The following KIFC3 variants were observed in gnomAD, a reference collection of about 807,000 sequenced individuals.
The protein encoded by KIFC3 is kinesin family member C3.
A neutral mutation model predicts 101.8 loss-of-function variants in KIFC3; 60 were observed. The observed-to-expected ratio is 0.59, with a 90% confidence interval of 0.48 to 0.73. KIFC3 has a LOEUF of 0.73. KIFC3 is among the 30% of genes least tolerant of loss of function. The probability of loss-of-function intolerance (pLI) is 0.00; values close to 1 mark genes in which losing one functional copy is unlikely to be tolerated. For synonymous variants in KIFC3, 476 were observed against 482.7 expected (o/e 0.99, Z 0.18); for missense variants, 966 against 1,137.1 (o/e 0.85, Z 2.16).
At chr16:57,793,286 A>C (rs79129007) in intron 3 of KIFC3, among the ~76,000 whole-genome samples, 1 of 141,342 alleles carries the variant, frequency 7.1e-6, no homozygotes, top group Non-Finnish European at 1.5e-5. Context: ...ACTCTGTCTC[A>C]AAAAAAAAAA....
rs533176950 is a variant in KIFC3, at chr16:57,776,261, G to A, written c.316-3973C>T. 383 of 985,514 alleles carry A rather than the reference G, an allele frequency of 3.9e-4. 2 individuals are homozygous for A. In the South Asian group the frequency reaches 0.014, roughly 37 times the overall value. 61.0% of individuals were successfully genotyped at this position (985,514 alleles called of 1,614,324 possible). On this transcript the variant is annotated intron_variant, in intron 3 of 19. Transcript: ENST00000445690. ...CAACCTCAAGGAAACTCAGCCCAGA[G>A]GCCAGCGGGGCGGCCCTGGGAGCAC... is the stretch of plus-strand genomic sequence containing the variant.
chr16:57,809,318 TG>T (rs2055012321), intron 1 of KIFC3, among the ~76,000 whole-genome samples: 1 of 152,144 alleles, frequency 6.6e-6, no homozygotes, highest in Non-Finnish European at 1.5e-5. Flanking sequence ...TATTTAGAGT[TG>T]GGGTCTCGCT....
At chr16:57,759,016 G>A (rs552034783) in intron 19 of KIFC3, 107 bp from the exon 20 acceptor site, 18 of 1,527,098 alleles carry the variant, frequency 1.2e-5, no homozygotes, top group African/African-American at 4.2e-5. Flanking sequence ...ATAGACAAGC[G>A]ACAGCAGGGG....
upstream of KIFC3, among the ~76,000 whole-genome samples, chr16:57,804,017 A>G (rs115958911): frequency 6.0e-3 from 917 of 152,294 alleles, 10 homozygotes; most frequent in African/African-American, 0.021. Context: ...GAATGTCTTT[A>G]AAGTCCTGGT....
chr16:57,775,008 A>G, intron 3 of KIFC3: 1 of 1,533,828 alleles, frequency 6.5e-7, no homozygotes, highest in Non-Finnish European at 8.7e-7. Flanking sequence ...CGCCCCTGCC[A>G]GGCACTCAGA....
intron 1 of KIFC3, among the ~76,000 whole-genome samples, chr16:57,854,298 A>G (rs2056119331): frequency 6.6e-6 from 1 of 152,072 alleles, no homozygotes; most frequent in South Asian, 2.1e-4. Context: ...CTAAAAGAAA[A>G]CCCACTTTAT....
At position 57,780,459 on chromosome 16, in the gene KIFC3, C is replaced by T. The variant is rs182579488; in HGVS notation, c.316-8171G>A. Among the ~76,000 whole-genome samples, 324 of 150,784 alleles carry T rather than the reference C, an allele frequency of 2.1e-3. 2 individuals carry two copies. The highest frequency in any genetic ancestry group is 7.5e-3 in the African/African-American group (309 of 41,048). On this transcript the variant is annotated intron_variant, in intron 3 of 19. Transcript: ENST00000445690. ...TCAGGAGGCAGAGGTTGCAGTGAGC[C>T]GAGATCATGCCACTTCACTCCAGCC...
At chr16:57,794,751 A>G (rs2070427529) in intron 3 of KIFC3, among the ~76,000 whole-genome samples, 1 of 152,152 alleles carries the variant, frequency 6.6e-6, no homozygotes, top group African/African-American at 2.4e-5. Flanking sequence ...CTAAGGCCCC[A>G]TGCTTCCCAT....
chr16:57,764,079 AT>A, intron 12 of KIFC3, 63 bp downstream of exon 12: 1 of 1,178,174 alleles, frequency 8.5e-7, no homozygotes, highest in South Asian at 1.2e-5. Context: ...CCCAAGACCA[AT>A]GAGGGAGCCC....
chr16:57,771,868 A>G (rs1329454132), intron 4 of KIFC3, among the ~76,000 whole-genome samples, 182 bp from the exon 5 acceptor site: 5 of 152,210 alleles, frequency 3.3e-5, no homozygotes, highest in Non-Finnish European at 7.3e-5. Flanking sequence ...AGCTCAAGAG[A>G]GAAACCAAGA....
rs140800489 is a variant in KIFC3, at chr16:57,770,469, C to T, written c.939+58G>A. 11 of 1,348,776 alleles carry T rather than the reference C, an allele frequency of 8.2e-6. No homozygotes were observed. In the Admixed American group the frequency reaches 3.5e-4, roughly 43 times the overall value. 83.6% of individuals were successfully genotyped at this position (1,348,776 alleles called of 1,614,324 possible). ...CCCAAATGTTTAACCGATGCATTGGCCCAAGGGCCTGCCTCTGGCTTCCTG... is the reference window on the plus strand; with the variant it reads ...CCCAAATGTTTAACCGATGCATTGGTCCAAGGGCCTGCCTCTGGCTTCCTG... On this transcript the variant is annotated intron_variant, in intron 7 of 19. Coordinates refer to ENST00000445690, the MANE Select transcript of KIFC3 (RefSeq NM_001130100.2).
At chr16:57,785,524 C>T in intron 3 of KIFC3, 1 of 1,288,766 alleles carries the variant, frequency 7.8e-7, no homozygotes, top group South Asian at 1.2e-5. Context: ...CCAGCCTCTC[C>T]TGTAGGACCA....
chr16:57,765,747 CTTT>C (rs2050413331), intron 10 of KIFC3, 107 bp from the exon 11 acceptor site: 1 of 1,042,776 alleles, frequency 9.6e-7, no homozygotes, highest in Non-Finnish European at 1.4e-6. Flanking sequence ...AGTCCCCTGA[CTTT>C]TAAGCACAGC....
At chr16:57,773,785 A>T (rs2051622627) in intron 3 of KIFC3, 1 of 152,190 alleles carries the variant, frequency 6.6e-6, no homozygotes, top group Admixed American at 6.5e-5. Flanking sequence ...CATGGTTGAG[A>T]TGTCATCAAA....
intron 3 of KIFC3, among the ~76,000 whole-genome samples, chr16:57,780,823 C>T (rs1416991975): frequency 6.6e-6 from 1 of 151,572 alleles, no homozygotes; most frequent in African/African-American, 2.4e-5. Flanking sequence ...TACAGGTGTG[C>T]ACCACCATGC....
chr16:57,815,366 G>A lies in KIFC3; in HGVS notation c.109-17084C>T, dbSNP rs564248249. 13 of 1,053,770 alleles carry A rather than the reference G, an allele frequency of 1.2e-5. No individual in the cohort carries two copies. The South Asian group carries it at 2.2e-4, about 18-fold the overall frequency. The allele number at this position is 1,053,770 out of a possible 1,614,324, so 65.3% of individuals were successfully genotyped here. A position where few individuals can be genotyped will look rare whatever the true frequency, so the allele number is the denominator to read the frequency against. ...TGCTTCTGTTAGCTCAAGGCCACAGGTACATCTCTGTGCTTAGAGATCCAC... is the reference window on the plus strand; with the variant it reads ...TGCTTCTGTTAGCTCAAGGCCACAGATACATCTCTGTGCTTAGAGATCCAC... On this transcript the variant is annotated intron_variant, in intron 1 of 2. Transcript: ENST00000563028.
At chr16:57,852,320 C>T (rs1351047243) in intron 1 of KIFC3, among the ~76,000 whole-genome samples, 2 of 152,042 alleles carry the variant, frequency 1.3e-5, no homozygotes, top group African/African-American at 4.8e-5. Context: ...TTATTAGTTC[C>T]TTTCTCCAGA....
Position 57,771,308 on chromosome 16 carries a change from G to C in KIFC3, c.655C>G (p.Leu219Val). ...GCCTTCTCAGCCAGGCAGTCCTTGAGTCGCAGCTCCACCTCAGCCAGCCGG... is the reference window on the plus strand; with the variant it reads ...GCCTTCTCAGCCAGGCAGTCCTTGACTCGCAGCTCCACCTCAGCCAGCCGG... Reference protein sequence around the residue: ...TDRLAEVELRLKDCLAEKAQE... With the variant: ...TDRLAEVELRVKDCLAEKAQE... The change falls in exon 6 of 20, where the codon CTC becomes GTC. Residue 219 changes from leucine to valine, a missense_variant. Leu to Val is a conservative substitution (Grantham distance 32). Coordinates refer to ENST00000445690, the MANE Select transcript of KIFC3 (RefSeq NM_001130100.2). 1 of 1,613,654 alleles carries C rather than the reference G, an allele frequency of 6.2e-7. No homozygotes were observed. Among genetic ancestry groups the C allele is most frequent in the Non-Finnish European group, 8.5e-7 (1 of 1,180,050 alleles).
chr16:57,764,267 G>T lies in KIFC3; in HGVS notation c.1513-20C>A. The T allele has an allele frequency of 5.6e-6, 6 of 1,073,334 alleles. No individual in the cohort carries two copies. Among genetic ancestry groups the T allele is most frequent in the Non-Finnish European group, 8.3e-6 (6 of 724,686 alleles). The allele number at this position is 1,073,334 out of a possible 1,614,324, so 66.5% of individuals were successfully genotyped here. ...GAACACCTGGGAGGGTGGTGGGAGGGAGGCTGGTGGGGGGGCTTCCAGGGC... is the reference window on the plus strand; with the variant it reads ...GAACACCTGGGAGGGTGGTGGGAGGTAGGCTGGTGGGGGGGCTTCCAGGGC... On this transcript the variant is annotated intron_variant, in intron 11 of 19. Coordinates refer to ENST00000445690, the MANE Select transcript of KIFC3 (RefSeq NM_001130100.2).
Sources: allele counts gnomAD v4.1 joint callset (sites outside exome capture counted in the v4.1 genomes callset), GRCh38; gene constraint gnomAD v4.1.1; transcripts MANE v1.5; gene names NCBI Gene and HGNC (gene_info 2026-07-23, HGNC 2026-07-21).